The following ICA1 variants were observed in gnomAD, a reference collection of about 807,000 sequenced individuals.
ICA1 encodes the protein 69 kDa islet cell autoantigen.
Under a neutral mutation model 71.0 loss-of-function variants are expected in ICA1, and 40 were observed. That is an observed-to-expected ratio of 0.56 (90% CI 0.44 to 0.73). The LOEUF (loss-of-function observed/expected upper bound fraction) is 0.73. ICA1 is among the 30% of genes least tolerant of loss of function. The probability of loss-of-function intolerance (pLI) is 0.00; values close to 1 mark genes in which losing one functional copy is unlikely to be tolerated. For synonymous variants in ICA1, 207 were observed against 209.5 expected (o/e 0.99, Z 0.10); for missense variants, 578 against 576.5 (o/e 1.00, Z -0.03).
chr7:8,259,213 G>C (rs1465073498), intron 1 of ICA1, among the ~76,000 whole-genome samples: 1 of 152,188 alleles, frequency 6.6e-6, no homozygotes, highest in African/African-American at 2.4e-5. Flanking sequence ...TTAAAATGGA[G>C]ATTTGAATTC....
Position 8,228,684 on chromosome 7 carries a change from A to C in ICA1, c.184-11T>G. 1.9e-6 allele frequency: 3 copies of C among 1,575,250 alleles called. No homozygotes were observed. The highest frequency in any genetic ancestry group is 2.6e-6 in the Non-Finnish European group (3 of 1,152,758). ...AATTGAATGAAACAGCTGTAATAAA[A>C]ATACAAACAAAATGCAAAATAAAAC... On this transcript the variant is annotated splice_polypyrimidine_tract_variant and intron_variant, in intron 3 of 13. Transcript: ENST00000402384.
intron 6 of ICA1, among the ~76,000 whole-genome samples, chr7:8,209,808 G>A (rs1038240361): frequency 6.6e-6 from 1 of 152,128 alleles, no homozygotes; most frequent in Non-Finnish European, 1.5e-5. Flanking sequence ...GAGGGAGAAG[G>A]GAATTTCTGG....
At chr7:8,239,679 G>A (rs933543323) in intron 1 of ICA1, among the ~76,000 whole-genome samples, 1 of 152,160 alleles carries the variant, frequency 6.6e-6, no homozygotes, top group Non-Finnish European at 1.5e-5. Flanking sequence ...CTGGAAAATC[G>A]GGACACTGCC....
chr7:8,189,174 G>A (rs1431931163), intron 6 of ICA1, among the ~76,000 whole-genome samples: 1 of 152,138 alleles, frequency 6.6e-6, no homozygotes, highest in Non-Finnish European at 1.5e-5. Flanking sequence ...TGTGAGTGCT[G>A]GGATCTGTAT....
intron 11 of ICA1, 34 bp from the exon 12 acceptor site, chr7:8,138,915 G>A (rs1273358917): frequency 1.3e-6 from 2 of 1,595,058 alleles, no homozygotes; most frequent in Admixed American, 1.7e-5. Flanking sequence ...AAAATTATAA[G>A]TCAGTTTCAT....
Position 8,173,530 on chromosome 7 carries a change from A to C in ICA1, c.580-14878T>G, listed in dbSNP as rs1266344407. On this transcript the variant is annotated intron_variant, in intron 6 of 13. Coordinates refer to ENST00000402384, the MANE Select transcript of ICA1 (RefSeq NM_001136020.3). This position sits in a 1 kb window ranked among gnomAD's most constrained non-coding sequence, Gnocchi z 4.0. ...TCAATATTTTGACAAAGAAAAAGAA[A>C]CAAACATTTATCCTGCATATCCTAT... Among the ~76,000 whole-genome samples the C allele has an allele frequency of 6.6e-6, 1 of 152,220 alleles. No individual in the cohort carries two copies. Among genetic ancestry groups the C allele is most frequent in the Non-Finnish European group, 1.5e-5 (1 of 68,028 alleles).
chr7:8,149,020 T>C (rs529744656), intron 8 of ICA1, among the ~76,000 whole-genome samples: 8 of 152,326 alleles, frequency 5.3e-5, no homozygotes, highest in Admixed American at 1.3e-4. Context: ...CACGACTCCA[T>C]TGAAGTGCTT....
intron 1 of ICA1, among the ~76,000 whole-genome samples, chr7:8,240,724 T>C (rs575920888): frequency 1.3e-5 from 2 of 152,172 alleles, no homozygotes; most frequent in South Asian, 2.1e-4. Context: ...TTAAATGACC[T>C]GATGGAGCTG....
chr7:8,174,771 A>AAAACAAAAAACC (rs1554310914), intron 6 of ICA1, among the ~76,000 whole-genome samples: 2,732 of 106,010 alleles, frequency 0.026, 101 homozygotes, highest in African/African-American at 0.073. Context: ...AAAAAAAAAA[A>AAAACAAAAAACC]AAAAAAAACA....
chr7:8,152,571 ACCAC>A (rs137888198), intron 8 of ICA1, among the ~76,000 whole-genome samples: 10,714 of 142,774 alleles, frequency 0.075, 258 homozygotes, highest in Admixed American at 0.097. Flanking sequence ...CACCACCACC[ACCAC>A]CATCTCCTTC....
chr7:8,183,268 A>G (rs1349523591), intron 6 of ICA1, among the ~76,000 whole-genome samples: 2 of 152,202 alleles, frequency 1.3e-5, no homozygotes, highest in Non-Finnish European at 2.9e-5. Context: ...TGAAGGTTCT[A>G]TCTTAACAGT....
chr7:8,249,553 GAGTT>G (rs1055254551), intron 1 of ICA1, among the ~76,000 whole-genome samples: 1 of 152,182 alleles, frequency 6.6e-6, no homozygotes, highest in East Asian at 1.9e-4. Flanking sequence ...CTTTGTTAGG[GAGTT>G]AGTTTTTGGA....
intron 8 of ICA1, among the ~76,000 whole-genome samples, chr7:8,152,654 C>T (rs62637770): frequency 0.79 from 76,298 of 97,040 alleles, 28,055 homozygotes; most frequent in African/African-American, 0.83. Flanking sequence ...CCACCACCAC[C>T]ACCACCACCA....
intron 4 of ICA1, chr7:8,227,591 C>T (rs1370513901): frequency 5.1e-6 from 2 of 388,582 alleles, no homozygotes; most frequent in Non-Finnish European, 9.8e-6. Flanking sequence ...TTTGGACTTT[C>T]CTGAAGTAGT....
intron 6 of ICA1, among the ~76,000 whole-genome samples, chr7:8,172,745 C>G (rs1211255135): frequency 2.0e-5 from 3 of 152,106 alleles, no homozygotes; most frequent in African/African-American, 7.2e-5. Flanking sequence ...ATTCAATTTT[C>G]AAGTTTTAAA....
At chr7:8,153,638 G>T (rs888591102) in intron 8 of ICA1, among the ~76,000 whole-genome samples, 15 of 151,966 alleles carry the variant, frequency 9.9e-5, no homozygotes, top group African/African-American at 3.1e-4. Flanking sequence ...TAACAAGACA[G>T]AATTTCATTT....
At chr7:8,252,909 C>A (rs989448569) in intron 1 of ICA1, among the ~76,000 whole-genome samples, 1 of 152,104 alleles carries the variant, frequency 6.6e-6, no homozygotes, top group Non-Finnish European at 1.5e-5. Context: ...CAGGGTCTTA[C>A]TGTGTTGCCC....
intron 6 of ICA1, 86 bp downstream of exon 6, chr7:8,218,217 TTA>T: frequency 8.7e-7 from 1 of 1,145,694 alleles, no homozygotes; most frequent in Non-Finnish European, 1.3e-6. Context: ...TGCTTTTGAG[TTA>T]TGTCTTCTTC....
intron 1 of ICA1, among the ~76,000 whole-genome samples, chr7:8,258,101 G>T (rs1476865348): frequency 6.6e-6 from 1 of 152,112 alleles, no homozygotes; most frequent in Non-Finnish European, 1.5e-5. Flanking sequence ...GTTGGGGTGG[G>T]ATGCCCCCGC....
Sources: allele counts gnomAD v4.1 joint callset (sites outside exome capture counted in the v4.1 genomes callset), GRCh38; gene constraint gnomAD v4.1.1; non-coding constraint Gnocchi (gnomAD v3.1); transcripts MANE v1.5; gene names NCBI Gene and HGNC (gene_info 2026-07-23, HGNC 2026-07-21).